Variants in BBOF1 observed in about 807,000 individuals in gnomAD.
BBOF1 encodes basal body orientation factor 1, also known as basal body-orientation factor 1.
In BBOF1, 62 loss-of-function variants were observed where a neutral mutation model predicts 68.0. The observed-to-expected ratio is 0.91, with a 90% confidence interval of 0.74 to 1.13. The LOEUF (loss-of-function observed/expected upper bound fraction) is 1.13, where lower values mean the gene tolerates loss of function less well. BBOF1 is among the 50% of genes most tolerant of loss of function. The pLI, the probability that BBOF1 is intolerant of heterozygous loss-of-function variation, is 0.00. For synonymous variants in BBOF1, 208 were observed against 198.8 expected, an observed-to-expected ratio of 1.05 and a Z score of -0.39; for missense variants, 534 against 600.1, an observed-to-expected ratio of 0.89 and a Z score of 1.15.
intron 8 of BBOF1, chr14:74,055,123 T>G (rs1490167107): frequency 6.3e-6 from 1 of 157,654 alleles, no homozygotes; most frequent in Non-Finnish European, 1.4e-5. Flanking sequence ...TTGTGATGGA[T>G]AGTTTGCTTT....
chr14:74,078,682 C>T lies in BBOF1; in HGVS notation n.1536+330C>T, dbSNP rs190721999. Among the ~76,000 whole-genome samples the T allele has an allele frequency of 2.8e-3, 421 of 152,106 alleles. 7 individuals carry two copies. The highest frequency in any genetic ancestry group is 9.2e-3 in the African/African-American group (379 of 41,396). ...AGCTGGGATTACAGGCATGTGCCAC[C>T]ACATCCAGCTAATTTTTTGTATTTT... is the stretch of plus-strand genomic sequence containing the variant. On this transcript the variant is annotated intron_variant and non_coding_transcript_variant, in intron 10 of 12. Transcript: ENST00000492026.
At position 74,056,933 on chromosome 14, in the gene BBOF1, A is replaced by C. The variant is rs749080453; in HGVS notation, c.1416A>C (p.Pro472=). The C allele has an allele frequency of 1.9e-6, 3 of 1,613,816 alleles. No homozygotes were observed. In the East Asian group the frequency reaches 6.7e-5, roughly 36 times the overall value. The change falls in exon 10 of 12, where the codon CCA becomes CCC. Residue 472 remains proline (P), a synonymous_variant. Coordinates refer to ENST00000394009, the MANE Select transcript of BBOF1 (RefSeq NM_025057.3). ...SRKYNQSSRP[P]VPDYVVSDSG... ...AATACAACCAGAGTTCTAGGCCTCCAGTTCCAGACTATGTTGTTTCTGACA... is the reference window on the plus strand; with the variant it reads ...AATACAACCAGAGTTCTAGGCCTCCCGTTCCAGACTATGTTGTTTCTGACA...
chr14:74,079,807 G>C (rs994957213), intron 10 of BBOF1, among the ~76,000 whole-genome samples: 1 of 152,108 alleles, frequency 6.6e-6, no homozygotes, highest in Non-Finnish European at 1.5e-5. Context: ...GGCCTCAAAT[G>C]ATCTGCCCAC....
chr14:74,071,606 G>A (rs979196014), intron 9 of BBOF1: 42 of 1,591,672 alleles, frequency 2.6e-5, no homozygotes, highest in South Asian at 1.4e-4. Flanking sequence ...ATGAAGGGGT[G>A]CAGGGTACAC....
chr14:74,029,142 A>G (rs1205795282), intron 2 of BBOF1, 42 bp from the exon 3 acceptor site: 7 of 1,212,822 alleles, frequency 5.8e-6, no homozygotes, highest in African/African-American at 1.5e-5. Flanking sequence ...GACATAGAGC[A>G]GTTTCTTTAT....
rs76295174 is a variant in BBOF1, at chr14:74,049,854, A to G, written c.945A>G (p.Gln315=). 720 of 1,614,164 alleles carry G rather than the reference A, an allele frequency of 4.5e-4. 4 individuals carry two copies. In the African/African-American group the frequency reaches 8.2e-3, roughly 18 times the overall value. ...EFESEVLKLQ[Q]HAMIENQAGQ... is the part of the protein sequence containing the mutation. ...AGAGTGAAGTTTTAAAACTGCAGCAACACGCAATGATAGAGAACCAAGCAG... is the reference window on the plus strand; with the variant it reads ...AGAGTGAAGTTTTAAAACTGCAGCAGCACGCAATGATAGAGAACCAAGCAG... Residue 315 remains glutamine, a synonymous_variant, in exon 8 of 12, where the codon CAA becomes CAG. Transcript: ENST00000394009.
chr14:74,024,967 G>C (rs1262180083), intron 2 of BBOF1, among the ~76,000 whole-genome samples: 2 of 151,948 alleles, frequency 1.3e-5, no homozygotes. Context: ...GTTTTGGCAT[G>C]TTGTTGGCCA....
intron 3 of BBOF1, among the ~76,000 whole-genome samples, chr14:74,032,167 C>T (rs2059587141): frequency 1.5e-5 from 2 of 134,908 alleles, no homozygotes; most frequent in South Asian, 4.7e-4. Flanking sequence ...GCTCTTGTCT[C>T]CCAGGCTGGA....
intron 1 of BBOF1, among the ~76,000 whole-genome samples, chr14:74,022,450 A>T (rs139739279): frequency 6.6e-6 from 1 of 152,098 alleles, no homozygotes; most frequent in African/African-American, 2.4e-5. Flanking sequence ...TGGGAGGCTG[A>T]GGTGGGTGGA....
chr14:74,050,983 C>G (rs1174467019), intron 8 of BBOF1, among the ~76,000 whole-genome samples: 2 of 151,916 alleles, frequency 1.3e-5, no homozygotes, highest in Non-Finnish European at 2.9e-5. Flanking sequence ...GTGGCTCATA[C>G]CTGTAATCCC....
rs1222532033 is a variant in BBOF1 at position 74,034,137 on chromosome 14, A to G, written c.461A>G (p.Lys154Arg). The change falls in exon 4 of 12, where the codon AAG becomes AGG. Residue 154 changes from lysine (K) to arginine (R), a missense_variant. By Grantham distance (26) the Lys-to-Arg change is conservative (BLOSUM62 2). Transcript: ENST00000394009. Reference sequence around the variant, plus strand: ...CTGAAAGCAGTAAGACAATTCCAGAAGAGAAAAATCCAAGTGGAGAGAGAG... The same window carrying G: ...CTGAAAGCAGTAAGACAATTCCAGAGGAGAAAAATCCAAGTGGAGAGAGAG... ...TELKAVRQFQ[K>R]RKIQVERELD... 2 of 1,587,606 alleles carry G rather than the reference A, an allele frequency of 1.3e-6. No individual in the cohort carries two copies. Among genetic ancestry groups the G allele is most frequent in the Admixed American group, 1.8e-5 (1 of 54,930 alleles).
intron 3 of BBOF1, among the ~76,000 whole-genome samples, chr14:74,030,760 G>A (rs117276277): frequency 0.063 from 9,598 of 152,034 alleles, 513 homozygotes; most frequent in South Asian, 0.26. Context: ...GCCTCCCAAA[G>A]TGCTGAGAAA....
In BBOF1 at chr14:74,022,986, T is replaced by C; in HGVS notation, c.127T>C (p.Leu43=). Reference sequence around the variant, plus strand: ...CAATGCCTCCCTTTGGGAGGCCAGGTTGGAAGTCACAGAACTCTCTAGGAT... The same window carrying C: ...CAATGCCTCCCTTTGGGAGGCCAGGCTGGAAGTCACAGAACTCTCTAGGAT... ...KANASLWEAR[L]EVTELSRIKY... is the part of the protein sequence containing the mutation. The change falls in exon 2 of 12, where the codon TTG becomes CTG. Residue 43 remains leucine, a synonymous_variant. Coordinates refer to ENST00000394009, the MANE Select transcript of BBOF1 (RefSeq NM_025057.3). The C allele has an allele frequency of 6.2e-7, 1 of 1,613,350 alleles. No individual in the cohort carries two copies. The highest frequency in any genetic ancestry group is 8.5e-7 in the Non-Finnish European group (1 of 1,179,638).
At chr14:74,030,193 G>T (rs2140981275) in intron 3 of BBOF1, among the ~76,000 whole-genome samples, 1 of 151,954 alleles carries the variant, frequency 6.6e-6, no homozygotes, top group South Asian at 2.1e-4. Context: ...TTTAGAGGTT[G>T]CTTTTTATTT....
downstream of BBOF1, chr14:74,069,101 CTTTTT>C (rs900873855): frequency 9.4e-4 from 432 of 460,958 alleles, no homozygotes; most frequent in Non-Finnish European, 1.2e-3. Context: ...TTTACTTTTT[CTTTTT>C]TTTTTTTTTT....
chr14:74,022,148 A>C (rs2140938193), intron 1 of BBOF1, among the ~76,000 whole-genome samples: 1 of 152,226 alleles, frequency 6.6e-6, no homozygotes, highest in East Asian at 1.9e-4. Flanking sequence ...CCAAGGTGGG[A>C]GGATACTTGA....
rs572932777 is a variant in BBOF1 at position 74,071,125 on chromosome 14, T to G, written n.1380-7071T>G. The G allele has an allele frequency of 3.9e-4, 546 of 1,414,562 alleles. 11 individuals are homozygous for G. The South Asian group carries it at 4.9e-3, about 13-fold the overall frequency. 87.6% of individuals were successfully genotyped at this position (1,414,562 alleles called of 1,614,324 possible). ...CAAGTAGGTTCCTTATCCTAAAACA[T>G]CCAACCATCACTCAACACCTTGATT... is the stretch of plus-strand genomic sequence containing the variant. On this transcript the variant is annotated intron_variant and non_coding_transcript_variant, in intron 9 of 12. Transcript: ENST00000492026.
rs1205040878 is a variant in BBOF1, at chr14:74,022,913, C to T, written c.57-3C>T. On this transcript the variant is annotated splice_polypyrimidine_tract_variant and splice_region_variant and intron_variant, in intron 1 of 11. Coordinates refer to ENST00000394009, the MANE Select transcript of BBOF1 (RefSeq NM_025057.3). ...ATACTGTCAATATCCTCTTCCCATG[C>T]AGGAAGTTAATAAAAACAGATGAAT... The T allele has an allele frequency of 6.4e-7, 1 of 1,573,464 alleles. No homozygotes were observed. The highest frequency in any genetic ancestry group is 1.4e-5 in the African/African-American group (1 of 73,892).
At chr14:74,054,162 C>G (rs1307906211) in intron 8 of BBOF1, among the ~76,000 whole-genome samples, 2 of 152,044 alleles carry the variant, frequency 1.3e-5, no homozygotes, top group East Asian at 3.9e-4. Context: ...AGGTGTGAAC[C>G]ACTGCGCGCA....
Sources: gnomAD v4.1 joint callset for allele counts (sites outside exome capture counted in the v4.1 genomes callset) on GRCh38, gnomAD v4.1.1 for gene constraint, MANE v1.5 for transcripts, NCBI Gene and HGNC (gene_info 2026-07-23, HGNC 2026-07-21) for gene names.